TAFA1: variants seen among roughly 807,000 people sequenced by gnomAD.
TAFA1 encodes the protein chemokine-like protein TAFA-1.
Under a neutral mutation model 18.5 loss-of-function variants are expected in TAFA1, and 4 were observed. The ratio of observed to expected loss-of-function variants is 0.22; its 90% CI spans 0.11 to 0.49. The LOEUF (loss-of-function observed/expected upper bound fraction) is 0.49. TAFA1 is among the 20% of genes least tolerant of loss of function. The pLI is 0.98. For missense variants in TAFA1, 147 were observed against 169.0 expected (o/e 0.87, Z 0.72); for synonymous variants, 56 against 55.2 (o/e 1.01, Z -0.06).
intron 3 of TAFA1, among the ~76,000 whole-genome samples, chr3:68,424,698 A>T (rs116404717): frequency 0.14 from 21,571 of 151,926 alleles, 2,012 homozygotes; most frequent in East Asian, 0.32. Context: ...TTCATAGGAT[A>T]ACATGAGATA....
At chr3:68,389,999 G>A in intron 2 of TAFA1, among the ~76,000 whole-genome samples, 1 of 152,102 alleles carries the variant, frequency 6.6e-6, no homozygotes, top group African/African-American at 2.4e-5. Flanking sequence ...TGGAATGCCA[G>A]TGACAACCGT....
intron 2 of TAFA1, among the ~76,000 whole-genome samples, chr3:68,056,727 G>A (rs977717984): frequency 1.3e-5 from 2 of 152,162 alleles, no homozygotes; most frequent in Non-Finnish European, 2.9e-5. Context: ...CATTGGCAAA[G>A]GGCTACTCCT....
At chr3:68,518,704 TA>T (rs1370267527) in intron 3 of TAFA1, among the ~76,000 whole-genome samples, 1 of 152,060 alleles carries the variant, frequency 6.6e-6, no homozygotes, top group Non-Finnish European at 1.5e-5. Flanking sequence ...ATCACTGAGA[TA>T]GGGGGAATGG....
intron 3 of TAFA1, among the ~76,000 whole-genome samples, chr3:68,432,051 A>T (rs1397776153): frequency 1.3e-5 from 2 of 151,878 alleles, no homozygotes; most frequent in Non-Finnish European, 2.9e-5. Context: ...TCAGGGGTTA[A>T]TATTATTATT....
chr3:68,036,309 T>G (rs182235698), intron 2 of TAFA1, among the ~76,000 whole-genome samples: 28 of 151,824 alleles, frequency 1.8e-4, no homozygotes, highest in Admixed American at 1.8e-3. Context: ...CATGGTGGTG[T>G]GCACCTGTAA....
chr3:68,330,160 A>C (rs774577894), intron 2 of TAFA1, among the ~76,000 whole-genome samples: 2 of 152,228 alleles, frequency 1.3e-5, no homozygotes, highest in African/African-American at 4.8e-5. Context: ...GCAAATGGTC[A>C]AAAGAAGCTA....
intron 2 of TAFA1, among the ~76,000 whole-genome samples, chr3:68,208,920 A>G (rs1316539643): frequency 2.6e-5 from 4 of 151,930 alleles, no homozygotes; most frequent in Admixed American, 2.6e-4. Context: ...AAACAGGTGT[A>G]ATGGAAGAGA....
intron 3 of TAFA1, among the ~76,000 whole-genome samples, chr3:68,502,650 CT>C (rs2072677772): frequency 1.3e-5 from 2 of 152,054 alleles, no homozygotes; most frequent in East Asian, 3.9e-4. Flanking sequence ...CTATTCCCCC[CT>C]GATTCTCCCC....
intron 2 of TAFA1, among the ~76,000 whole-genome samples, chr3:68,072,844 G>A (rs538261953): frequency 4.6e-5 from 7 of 152,268 alleles, no homozygotes; most frequent in Admixed American, 6.5e-5. Context: ...CTTGAAACAC[G>A]TGATCTAGTA....
intron 3 of TAFA1, among the ~76,000 whole-genome samples, chr3:68,418,562 C>T (rs1348163902): frequency 1.3e-5 from 2 of 151,948 alleles, no homozygotes; most frequent in African/African-American, 2.4e-5. Flanking sequence ...TGTGATTCTT[C>T]AGTTACTTCA....
intron 2 of TAFA1, among the ~76,000 whole-genome samples, chr3:68,206,518 T>C (rs2066527859): frequency 6.6e-6 from 1 of 151,870 alleles, no homozygotes; most frequent in African/African-American, 2.4e-5. Flanking sequence ...AAAATCAATT[T>C]AAACGGCTTA....
chr3:68,002,190 T>C (rs1188067511), upstream of TAFA1, among the ~76,000 whole-genome samples: 1 of 152,196 alleles, frequency 6.6e-6, no homozygotes. Context: ...TTAGGACAAA[T>C]GATCATTGGC....
chr3:68,512,974 G>C (rs985889273), intron 3 of TAFA1, among the ~76,000 whole-genome samples: 3 of 152,064 alleles, frequency 2.0e-5, no homozygotes, highest in African/African-American at 7.2e-5. Flanking sequence ...TGCAAAGTGG[G>C]TGGTTCTACA....
chr3:68,319,576 TC>T (rs2068664028), intron 2 of TAFA1, among the ~76,000 whole-genome samples: 2 of 152,234 alleles, frequency 1.3e-5, no homozygotes, highest in Admixed American at 6.5e-5. Context: ...TCAAGTTTTG[TC>T]CAATGTTGTC....
chr3:68,456,949 T>A (rs1411078433), intron 3 of TAFA1, among the ~76,000 whole-genome samples: 1 of 152,198 alleles, frequency 6.6e-6, no homozygotes, highest in Non-Finnish European at 1.5e-5. Context: ...GCACCTCGTA[T>A]GGGTCCCATG....
intron 3 of TAFA1, among the ~76,000 whole-genome samples, chr3:68,448,689 T>C (rs6766498): frequency 0.19 from 28,617 of 152,034 alleles, 3,196 homozygotes; most frequent in East Asian, 0.43. Flanking sequence ...ACTTCAACTG[T>C]TAATGTTGTA....
intron 2 of TAFA1, among the ~76,000 whole-genome samples, chr3:68,413,676 C>A (rs2070759360): frequency 6.6e-6 from 1 of 152,018 alleles, no homozygotes; most frequent in Non-Finnish European, 1.5e-5. Flanking sequence ...AGTTTGATTT[C>A]CAATGGGACA....
chr3:68,003,539 C>T (rs1239869699), upstream of TAFA1, among the ~76,000 whole-genome samples: 2 of 152,082 alleles, frequency 1.3e-5, no homozygotes, highest in Admixed American at 6.6e-5. Flanking sequence ...TTATTACCAG[C>T]ACAATCTATA....
intron 2 of TAFA1, among the ~76,000 whole-genome samples, chr3:68,143,819 A>G (rs1301712104): frequency 6.6e-6 from 1 of 152,168 alleles, no homozygotes; most frequent in Non-Finnish European, 1.5e-5. Context: ...GGAATGCACT[A>G]AATGACCTCC....
Sources: allele counts gnomAD v4.1 joint callset (sites outside exome capture counted in the v4.1 genomes callset), GRCh38; gene constraint gnomAD v4.1.1; transcripts MANE v1.5; gene names NCBI Gene and HGNC (gene_info 2026-07-23, HGNC 2026-07-21).